Variants in RHBDF1 observed in about 807,000 individuals in gnomAD.
RHBDF1 encodes inactive rhomboid protein 1.
A neutral mutation model predicts 98.6 loss-of-function variants in RHBDF1; 80 were observed. The observed-to-expected ratio is 0.81, with a 90% confidence interval of 0.68 to 0.98. RHBDF1 has a LOEUF of 0.98. RHBDF1 is among the 50% of genes least tolerant of loss of function. RHBDF1 has a pLI of 0.00. For missense variants in RHBDF1, 1,116 were observed against 1,198.3 expected, an observed-to-expected ratio of 0.93 and a Z score of 1.01; for synonymous variants, 512 against 486.8, an observed-to-expected ratio of 1.05 and a Z score of -0.68.
chr16:58,771 T>C lies in RHBDF1; in HGVS notation c.2149-12A>G, dbSNP rs755408751. ...CCAGCAGGACCCACCTGGGGGATGG[T>C]TGGGGTAGCTGTAAGGCAGTGGGGC... On this transcript the variant is annotated splice_polypyrimidine_tract_variant and intron_variant, in intron 17 of 17. Transcript: ENST00000262316. 6.2e-6 allele frequency: 10 copies of C among 1,610,416 alleles called. No homozygotes were observed. Among genetic ancestry groups the C allele is most frequent in the East Asian group, 2.2e-5 (1 of 44,852 alleles).
chr16:58,836 C>A, intron 17 of RHBDF1, 77 bp from the exon 18 acceptor site: 1 of 1,561,630 alleles, frequency 6.4e-7, no homozygotes, highest in Non-Finnish European at 8.7e-7. Flanking sequence ...TCTTTCTGCC[C>A]CACTTCCCAT....
chr16:64,312 C>CTCATGACCTGTATGAG, intron 3 of RHBDF1: 1 of 1,342,440 alleles, frequency 7.4e-7, no homozygotes, highest in Non-Finnish European at 9.9e-7. Flanking sequence ...CACCAACACA[C>CTCATGACCTGTATGAG]TCATGACCTG....
intron 1 of RHBDF1, among the ~76,000 whole-genome samples, chr16:66,142 G>A (rs930072333): frequency 6.6e-6 from 1 of 152,232 alleles, no homozygotes; most frequent in African/African-American, 2.4e-5. Flanking sequence ...CATGACACGA[G>A]ACAGATAGTG....
At position 59,460 on chromosome 16, in the gene RHBDF1, T is replaced by C. The variant is rs778943144; in HGVS notation, c.1852A>G (p.Met618Val). 7.4e-6 allele frequency: 12 copies of C among 1,613,726 alleles called. No homozygotes were observed. In the South Asian group the frequency reaches 1.3e-4, roughly 18 times the overall value. Reference protein sequence around the residue: ...EITSREYCDFMRGYFHEEATL... With the variant: ...EITSREYCDFVRGYFHEEATL... ...GCCTCCTCATGGAAGTAGCCCCTCA[T>C]GAAGTCACAGTACTCCCGGGAGGTG... is the stretch of plus-strand genomic sequence containing the variant. The change falls in exon 15 of 18, where the codon ATG becomes GTG. Residue 618 changes from methionine to valine, a missense_variant. By Grantham distance (21) the Met-to-Val change is conservative. Coordinates refer to ENST00000262316, the MANE Select transcript of RHBDF1 (RefSeq NM_022450.5).
rs1473621997 is a variant in RHBDF1 at position 63,072 on chromosome 16, G to A, written c.573C>T (p.Ser191=). The A allele has an allele frequency of 6.2e-7, 1 of 1,612,464 alleles. No individual in the cohort carries two copies. The highest frequency in any genetic ancestry group is 8.5e-7 in the Non-Finnish European group (1 of 1,179,632). ...GGAAACCTGAGCGGGAGCTGGAGAA[G>A]GAGCAGAGGGAGGCAGCACCCGGCG... The part of the protein sequence containing the change: ...PVTPGAASLC[S]FSSSRSGFHR... Residue 191 remains serine (S), a synonymous_variant, in exon 5 of 18, where the codon TCC becomes TCT. Coordinates refer to ENST00000262316, the MANE Select transcript of RHBDF1 (RefSeq NM_022450.5).
chr16:58,364 G>A lies in RHBDF1; in HGVS notation c.2544C>T (p.Tyr848=), dbSNP rs1362157545. The A allele has an allele frequency of 1.3e-5, 21 of 1,613,118 alleles. No individual in the cohort carries two copies. The highest frequency in any genetic ancestry group is 2.7e-5 in the African/African-American group (2 of 74,908). Residue 848 remains tyrosine (Y), a synonymous_variant, in exon 18 of 18, where the codon TAC becomes TAT. Transcript: ENST00000262316. ...IPFTDKFCEK[Y]ELDAQLH is the part of the protein sequence containing the mutation. ...CTCAGTGGAGCTGAGCGTCCAGTTC[G>A]TACTTCTCACAGAACTTGTCAGTGA...
intron 13 of RHBDF1, 130 bp from the exon 14 acceptor site, chr16:59,956 G>A: frequency 1.3e-6 from 2 of 1,515,614 alleles, no homozygotes; most frequent in Non-Finnish European, 1.8e-6. Context: ...TTGACTTCAA[G>A]CAGGCCACCA....
chr16:59,184 G>T lies in RHBDF1; in HGVS notation c.1995-57C>A, dbSNP rs896627119. The T allele has an allele frequency of 3.1e-6, 5 of 1,594,084 alleles. No individual in the cohort carries two copies. The Admixed American group carries it at 8.4e-5, about 27-fold the overall frequency. The stretch of plus-strand genomic sequence containing the variant: ...CATTCAGCAGGGAAGTGACCTTTCT[G>T]CCACCCCCAGCCAGCCAATCCTGAG... On this transcript the variant is annotated intron_variant, in intron 16 of 17. Coordinates refer to ENST00000262316, the MANE Select transcript of RHBDF1 (RefSeq NM_022450.5).
rs114061359 is a variant in RHBDF1 at position 62,289 on chromosome 16, G to T, written c.954-237C>A. ...AGCAAGTATCACCTCTGTCACCTCC[G>T]CCTCCCCGTTGGATTCTGCCCAGCC... On this transcript the variant is annotated intron_variant, in intron 7 of 17. Transcript: ENST00000262316. 826 of 715,692 alleles carry T rather than the reference G, an allele frequency of 1.2e-3. 6 individuals are homozygous for T. In the African/African-American group the frequency reaches 0.013, roughly 12 times the overall value. The allele number at this position is 715,692 out of a possible 1,614,324, so 44.3% of individuals were successfully genotyped here.
rs757898679 is a variant in RHBDF1 at position 61,924 on chromosome 16, C to A, written c.1082G>T (p.Arg361Leu). 1.2e-6 allele frequency: 2 copies of A among 1,601,388 alleles called. No individual in the cohort carries two copies. The highest frequency in any genetic ancestry group is 1.7e-6 in the Non-Finnish European group (2 of 1,179,526). Residue 361 changes from arginine to leucine, a missense_variant, in exon 8 of 18, where the codon CGC becomes CTC. Physicochemically the swap from Arg to Leu is moderately radical, Grantham distance 102. Coordinates refer to ENST00000262316, the MANE Select transcript of RHBDF1 (RefSeq NM_022450.5). ...RRGQRIAVPVRKLFAREKRPY... is the reference protein window; with the variant it reads ...RRGQRIAVPVLKLFAREKRPY... ...CCGCTTCTCCCGGGCGAAGAGCTTG[C>A]GCACCGGCACCGCGATACGCTGGCC...
intron 1 of RHBDF1, among the ~76,000 whole-genome samples, chr16:69,088 G>A (rs1222257803): frequency 6.6e-6 from 1 of 152,168 alleles, no homozygotes; most frequent in African/African-American, 2.4e-5. Context: ...TGAGGGGCAG[G>A]AGCTGGGGGG....
chr16:68,034 C>T (rs980103619), intron 1 of RHBDF1, among the ~76,000 whole-genome samples: 5 of 152,118 alleles, frequency 3.3e-5, no homozygotes, highest in African/African-American at 7.2e-5. Context: ...GGACCACAGT[C>T]GGCCCCAGGA....
intron 1 of RHBDF1, among the ~76,000 whole-genome samples, chr16:66,870 G>C (rs1169681942): frequency 6.6e-6 from 1 of 152,174 alleles, no homozygotes; most frequent in Non-Finnish European, 1.5e-5. Flanking sequence ...CAGAGCCCCA[G>C]AGTGCAACAG....
Position 61,100 on chromosome 16 carries a change from T to C in RHBDF1, c.1557+20A>G. On this transcript the variant is annotated intron_variant, in intron 11 of 17. Transcript: ENST00000262316. ...AACACCGGGCAGACGAAGGCGGGAG[T>C]CCCGGGCGGGGAAACGCACCGAGCA... is the stretch of plus-strand genomic sequence containing the variant. 3.3e-6 allele frequency: 5 copies of C among 1,517,164 alleles called. No homozygotes were observed. The highest frequency in any genetic ancestry group is 4.4e-6 in the Non-Finnish European group (5 of 1,131,314). The allele number at this position is 1,517,164 out of a possible 1,614,324, so 94.0% of individuals were successfully genotyped here. A position where few individuals can be genotyped will look rare whatever the true frequency, so the allele number is the denominator to read the frequency against.
Position 62,675 on chromosome 16 carries a change from C to G in RHBDF1, c.816G>C (p.Glu272Asp). Residue 272 changes from glutamate to aspartate, a missense_variant, in exon 7 of 18, where the codon GAG (glutamate) becomes GAC (aspartate). By Grantham distance (45) the Glu-to-Asp change is conservative. Transcript: ENST00000262316. ...AAACTTCATCCGGGTATGTGGACAG[C>G]TCTTCATGGAGGATACCTTCCTGAG... ...FFAREGILHE[E>D]LSTYPDEVFE... The G allele has an allele frequency of 6.2e-7, 1 of 1,614,148 alleles. No homozygotes were observed. The highest frequency in any genetic ancestry group is 1.3e-5 in the African/African-American group (1 of 75,066).
rs202098368 is a variant in RHBDF1 at position 58,739 on chromosome 16, C to G, written c.2169G>C (p.Gln723His). 4.3e-6 allele frequency: 7 copies of G among 1,612,472 alleles called. No homozygotes were observed. Among genetic ancestry groups the G allele is most frequent in the Non-Finnish European group, 5.1e-6 (6 of 1,179,740 alleles). The change falls in exon 18 of 18, where the codon CAG becomes CAC. Residue 723 changes from glutamine to histidine, a missense_variant. Coordinates refer to ENST00000262316, the MANE Select transcript of RHBDF1 (RefSeq NM_022450.5). ...YRAEVGPAGS[Q>H]FGILACLFVE... ...CGAAGAGGCAGGCCAGGATGCCGAA[C>G]TGGGAGCCAGCAGGACCCACCTGGG... is the stretch of plus-strand genomic sequence containing the variant.
upstream of RHBDF1, chr16:72,693 T>C: frequency 3.1e-6 from 3 of 980,764 alleles, no homozygotes; most frequent in Non-Finnish European, 3.6e-6. Flanking sequence ...TCGCGCTGAC[T>C]CAGAGCTCAG....
chr16:64,786 G>T lies in RHBDF1; in HGVS notation c.161C>A (p.Ala54Asp), dbSNP rs769284568. Residue 54 changes from alanine (A) to aspartate (D), a missense_variant, in exon 3 of 18, where the codon GCC becomes GAC. Physicochemically the swap from Ala to Asp is moderately radical, Grantham distance 126. Transcript: ENST00000262316. ...GGGTGAAGAGATGTGGGCTGTCTCG[G>T]CTGGCATACTCACACTCCTCAGGAA... Reference protein sequence around the residue: ...QAFLRSVSMPAETAHISSPHH... With the variant: ...QAFLRSVSMPDETAHISSPHH... 1.2e-6 allele frequency: 2 copies of T among 1,614,092 alleles called. No homozygotes were observed. Among genetic ancestry groups the T allele is most frequent in the Admixed American group, 1.7e-5 (1 of 60,012 alleles).
chr16:68,857 G>C (rs913184501), intron 1 of RHBDF1, among the ~76,000 whole-genome samples: 15 of 152,198 alleles, frequency 9.9e-5, no homozygotes, highest in African/African-American at 3.1e-4. Flanking sequence ...AGCTGGCCGC[G>C]TGCACAGGTG....
Sources: gnomAD v4.1 joint callset for allele counts (sites outside exome capture counted in the v4.1 genomes callset) on GRCh38, gnomAD v4.1.1 for gene constraint, MANE v1.5 for transcripts, NCBI Gene and HGNC (gene_info 2026-07-23, HGNC 2026-07-21) for gene names.